Variants in EVA1C observed in about 807,000 individuals in gnomAD.
The protein encoded by EVA1C is eva-1 homolog C.
In EVA1C, 25 loss-of-function variants were observed where a neutral mutation model predicts 45.4. The ratio of observed to expected loss-of-function variants is 0.55; its 90% CI spans 0.40 to 0.77. The LOEUF (loss-of-function observed/expected upper bound fraction) is 0.77, where lower values mean the gene tolerates loss of function less well. Among genes scored for constraint, EVA1C ranks in the 30% least tolerant of loss-of-function variants. The pLI is 0.00. For synonymous variants in EVA1C, 190 were observed against 221.2 expected, an observed-to-expected ratio of 0.86 and a Z score of 1.25; for missense variants, 479 against 554.8, an observed-to-expected ratio of 0.86 and a Z score of 1.37.
intron 4 of EVA1C, among the ~76,000 whole-genome samples, chr21:32,473,181 C>T (rs2146321681): frequency 6.6e-6 from 1 of 152,328 alleles, no homozygotes; most frequent in East Asian, 1.9e-4. Context: ...TTTTCTCCAT[C>T]TAATTGAATG....
intron 4 of EVA1C, among the ~76,000 whole-genome samples, chr21:32,480,153 T>A (rs1175434896): frequency 2.0e-5 from 3 of 151,766 alleles, no homozygotes; most frequent in Non-Finnish European, 4.4e-5. Flanking sequence ...CATCTGAATG[T>A]CTGACAAAAG....
At chr21:32,455,775 C>T (rs985691060) in intron 2 of EVA1C, among the ~76,000 whole-genome samples, 5 of 152,236 alleles carry the variant, frequency 3.3e-5, no homozygotes, top group Non-Finnish European at 5.9e-5. Flanking sequence ...ATAACCAGGC[C>T]GACAGGTTAG....
chr21:32,513,943 T>C (rs183448928), intron 7 of EVA1C, among the ~76,000 whole-genome samples: 18 of 152,208 alleles, frequency 1.2e-4, no homozygotes, highest in Admixed American at 1.0e-3. Context: ...AAATGGATAG[T>C]TGCATCTTTA....
intron 4 of EVA1C, among the ~76,000 whole-genome samples, chr21:32,478,753 C>T (rs952681440): frequency 2.6e-5 from 4 of 152,254 alleles, no homozygotes; most frequent in East Asian, 1.9e-4. Flanking sequence ...GAATGTGCCC[C>T]CTGTCTGGGC....
chr21:32,509,484 G>A (rs2037875771), intron 7 of EVA1C, among the ~76,000 whole-genome samples: 1 of 152,212 alleles, frequency 6.6e-6, no homozygotes, highest in East Asian at 1.9e-4. Context: ...AAAGGGAGCT[G>A]ATTTATGGAG....
Position 32,452,146 on chromosome 21 carries a change from T to C in EVA1C, c.161-1166T>C, listed in dbSNP as rs1170248661. 6.6e-6 allele frequency: 1 copy of C among 152,236 alleles called. No homozygotes were observed. Among genetic ancestry groups the C allele is most frequent in the Admixed American group, 6.5e-5 (1 of 15,280 alleles). The allele number at this position is 152,236 out of a possible 1,614,324, so 9.4% of individuals were successfully genotyped here. ...GAGCAAATGAAAGCCTCCCTCAGGA[T>C]GGGCATCCACACATCCAGGGGACAC... On this transcript the variant is annotated intron_variant, in intron 1 of 7. Transcript: ENST00000300255. This position sits in a 1 kb window ranked among gnomAD's most constrained non-coding sequence, Gnocchi z 4.0.
intron 7 of EVA1C, among the ~76,000 whole-genome samples, chr21:32,509,951 G>A (rs1473435158): frequency 6.6e-6 from 1 of 151,992 alleles, no homozygotes; most frequent in Non-Finnish European, 1.5e-5. Context: ...TTGAACTTGG[G>A]GAGGGTGACA....
At chr21:32,510,214 A>G (rs2037904329) in intron 7 of EVA1C, among the ~76,000 whole-genome samples, 1 of 151,698 alleles carries the variant, frequency 6.6e-6, no homozygotes, top group African/African-American at 2.4e-5. Context: ...ACCCCTGGCT[A>G]ATTTTAATTT....
intron 1 of EVA1C, among the ~76,000 whole-genome samples, chr21:32,451,928 G>A (rs1240757847): frequency 6.6e-6 from 1 of 152,186 alleles, no homozygotes; most frequent in Non-Finnish European, 1.5e-5. Context: ...GTGAATTTGA[G>A]GGGACATCAT....
At chr21:32,413,265 A>T (rs1382139251) in intron 1 of EVA1C, among the ~76,000 whole-genome samples, 1 of 152,244 alleles carries the variant, frequency 6.6e-6, no homozygotes, top group Non-Finnish European at 1.5e-5. Flanking sequence ...TGACCTCGTC[A>T]ATTTCCTAGC....
chr21:32,451,158 G>A (rs571497278), intron 1 of EVA1C, among the ~76,000 whole-genome samples: 7 of 152,240 alleles, frequency 4.6e-5, no homozygotes, highest in Non-Finnish European at 7.4e-5. Flanking sequence ...TGGATTTTCC[G>A]AGAATTATGT....
intron 5 of EVA1C, among the ~76,000 whole-genome samples, chr21:32,495,474 C>T (rs2037320630): frequency 6.6e-6 from 1 of 152,150 alleles, no homozygotes; most frequent in African/African-American, 2.4e-5. Context: ...ACTGATGTCA[C>T]TGAGACCAGT....
intron 7 of EVA1C, among the ~76,000 whole-genome samples, chr21:32,512,123 G>A (rs2037976778): frequency 6.6e-6 from 1 of 152,136 alleles, no homozygotes; most frequent in African/African-American, 2.4e-5. Flanking sequence ...AAGGAGCTTG[G>A]AATTCAGGTG....
chr21:32,480,268 T>C (rs1415289143), intron 4 of EVA1C, among the ~76,000 whole-genome samples: 3 of 134,422 alleles, frequency 2.2e-5, no homozygotes, highest in Non-Finnish European at 4.6e-5. Context: ...GCCACTACAT[T>C]CCAGCCTGGT....
Position 32,412,827 on chromosome 21 carries a change from C to A in EVA1C, c.-27C>A. The A allele has an allele frequency of 7.2e-7, 1 of 1,386,674 alleles. No individual in the cohort carries two copies. The highest frequency in any genetic ancestry group is 9.3e-7 in the Non-Finnish European group (1 of 1,079,012). 85.9% of individuals were successfully genotyped at this position (1,386,674 alleles called of 1,614,324 possible). ...CGACCCCCAGCGCGTCCCGGGCCTGCGCCTCCGCCCCGCCGCGCAGCGCAC... is the reference window on the plus strand; with the variant it reads ...CGACCCCCAGCGCGTCCCGGGCCTGAGCCTCCGCCCCGCCGCGCAGCGCAC... On this transcript the variant is annotated 5_prime_UTR_variant, in exon 1 of 8. Transcript: ENST00000300255.
At chr21:32,460,795 G>A (rs1277279666) in intron 3 of EVA1C, among the ~76,000 whole-genome samples, 1 of 149,578 alleles carries the variant, frequency 6.7e-6, no homozygotes, top group Non-Finnish European at 1.5e-5. Context: ...GCCCAGGCTG[G>A]AGTGTAGTGG....
At chr21:32,440,691 A>G (rs922957564) in intron 1 of EVA1C, among the ~76,000 whole-genome samples, 2 of 152,210 alleles carry the variant, frequency 1.3e-5, no homozygotes, top group African/African-American at 4.8e-5. Flanking sequence ...AGAGAAATCT[A>G]TAAGCCCTGG....
chr21:32,481,936 G>C (rs73353083), intron 4 of EVA1C, among the ~76,000 whole-genome samples: 1,925 of 152,276 alleles, frequency 0.013, 32 homozygotes, highest in Admixed American at 0.038. Flanking sequence ...GGAGCAAAGA[G>C]AGCATGTAAT....
intron 1 of EVA1C, among the ~76,000 whole-genome samples, chr21:32,450,494 T>A (rs764574563): frequency 8.5e-5 from 6 of 70,702 alleles, no homozygotes; most frequent in Non-Finnish European, 1.6e-4. Context: ...AGCTGCTTAT[T>A]TATTCCCCGG....
Sources: allele counts gnomAD v4.1 joint callset (sites outside exome capture counted in the v4.1 genomes callset), GRCh38; gene constraint gnomAD v4.1.1; non-coding constraint Gnocchi (gnomAD v3.1); transcripts MANE v1.5; gene names NCBI Gene and HGNC (gene_info 2026-07-23, HGNC 2026-07-21).